The following AKAP13 variants were observed in gnomAD, a reference collection of about 807,000 sequenced individuals.
AKAP13 encodes A-kinase anchoring protein 13.
A neutral mutation model predicts 264.5 loss-of-function variants in AKAP13; 80 were observed. The ratio of observed to expected loss-of-function variants is 0.30; its 90% CI spans 0.25 to 0.36. The LOEUF is 0.36. Ranked by LOEUF, AKAP13 falls within the 10% of genes least tolerant of loss-of-function variation. The probability of loss-of-function intolerance (pLI) is 1.00; values close to 1 mark genes in which losing one functional copy is unlikely to be tolerated. For synonymous variants in AKAP13, 1,380 were observed against 1,250.2 expected, an observed-to-expected ratio of 1.10 and a Z score of -2.19; for missense variants, 3,712 against 3,435.2, an observed-to-expected ratio of 1.08 and a Z score of -2.01.
intron 9 of AKAP13, among the ~76,000 whole-genome samples, chr15:85,645,309 A>T (rs2082503165): frequency 1.3e-5 from 2 of 152,220 alleles, no homozygotes; most frequent in Admixed American, 1.3e-4. Context: ...AAATTTTTCC[A>T]CTTTGGCATA....
chr15:85,730,670 C>G lies in AKAP13; in HGVS notation c.7245C>G (p.Leu2415=), dbSNP rs1263538113. 2 of 1,613,958 alleles carry G rather than the reference C, an allele frequency of 1.2e-6. No homozygotes were observed. Among genetic ancestry groups the G allele is most frequent in the Non-Finnish European group, 1.7e-6 (2 of 1,179,944 alleles). ...TCCGCTCCAACACAGAAGAGGCTCT[C>G]AAAGGAGGACCTTTAATGAAAAGTG... ...VLFRSNTEEA[L]KGGPLMKSAI... is the part of the protein sequence containing the mutation. Residue 2415 remains leucine (L), a synonymous_variant, in exon 30 of 37, where the codon CTC becomes CTG. Transcript: ENST00000394518.
intron 2 of AKAP13, among the ~76,000 whole-genome samples, chr15:85,497,482 G>A (rs946528518): frequency 1.3e-5 from 2 of 152,184 alleles, no homozygotes; most frequent in Non-Finnish European, 2.9e-5. Context: ...AGAGCAGAGT[G>A]AGAGGAGGAA....
At chr15:85,588,191 A>G (rs1223008238) in intron 8 of AKAP13, among the ~76,000 whole-genome samples, 1 of 152,172 alleles carries the variant, frequency 6.6e-6, no homozygotes, top group African/African-American at 2.4e-5. Context: ...ACTATCCCAG[A>G]TTGTTTCAAG....
chr15:85,669,812 A>G lies in AKAP13; in HGVS notation c.5083A>G (p.Ser1695Gly). The change falls in exon 14 of 37, where the codon AGC (serine) becomes GGC (glycine). Residue 1695 changes from serine (S) to glycine (G), a missense_variant. Physicochemically the swap from Ser to Gly is moderately conservative, Grantham distance 56. Coordinates refer to ENST00000394518, the MANE Select transcript of AKAP13 (RefSeq NM_007200.5). ...AAAATCCATCTCATTAATGACAATCAGCCATCCTGGATTGGACAGTGAGTA... is the reference window on the plus strand; with the variant it reads ...AAAATCCATCTCATTAATGACAATCGGCCATCCTGGATTGGACAGTGAGTA... ...LTKSISLMTI[S>G]HPGLDNSRPF... The G allele has an allele frequency of 6.2e-7, 1 of 1,610,016 alleles. No homozygotes were observed. Among genetic ancestry groups the G allele is most frequent in the Non-Finnish European group, 8.5e-7 (1 of 1,176,346 alleles).
chr15:85,654,159 A>T (rs979582075), intron 10 of AKAP13, among the ~76,000 whole-genome samples: 1 of 152,236 alleles, frequency 6.6e-6, no homozygotes, highest in African/African-American at 2.4e-5. Flanking sequence ...TTAATGTATG[A>T]TTTGGCCTCA....
intron 34 of AKAP13, among the ~76,000 whole-genome samples, chr15:85,740,792 A>G (rs1426355705): frequency 9.6e-5 from 3 of 31,252 alleles, no homozygotes; most frequent in African/African-American, 4.0e-4. Flanking sequence ...CCCCCACCCC[A>G]GGTAATACCA....
chr15:85,655,580 G>A lies in AKAP13; in HGVS notation c.4538G>A (p.Ser1513Asn), dbSNP rs1320009651. ...RDRQSLDGFY[S>N]HGMGAEGRES... ...CGGCAAAGCCTTGATGGATTCTACA[G>A]CCATGGGATGGGAGCTGAGGGTCGA... The change falls in exon 11 of 37, where the codon AGC becomes AAC. Residue 1513 changes from serine to asparagine, a missense_variant. Ser to Asn is a conservative substitution (Grantham distance 46). Transcript: ENST00000394518. The A allele has an allele frequency of 6.2e-7, 1 of 1,614,234 alleles. No individual in the cohort carries two copies. The highest frequency in any genetic ancestry group is 1.3e-5 in the African/African-American group (1 of 75,064).
At chr15:85,608,376 G>T (rs986097224) in intron 8 of AKAP13, among the ~76,000 whole-genome samples, 5 of 152,164 alleles carry the variant, frequency 3.3e-5, no homozygotes, top group African/African-American at 1.2e-4. Context: ...GGTGGTAAAC[G>T]AAGACATTAT....
intron 1 of AKAP13, among the ~76,000 whole-genome samples, chr15:85,392,513 A>C (rs2070917650): frequency 6.6e-6 from 1 of 152,144 alleles, no homozygotes; most frequent in South Asian, 2.1e-4. Context: ...TTGGCCTCCC[A>C]AAGTGCTGGG....
At chr15:85,610,282 G>A (rs560101861) in intron 8 of AKAP13, among the ~76,000 whole-genome samples, 4 of 152,276 alleles carry the variant, frequency 2.6e-5, no homozygotes, top group African/African-American at 9.6e-5. Context: ...TGGAAAAGGA[G>A]TTTCTCACTT....
chr15:85,579,180 A>G lies in AKAP13; in HGVS notation c.1112A>G (p.Lys371Arg), dbSNP rs755140772. The G allele has an allele frequency of 3.1e-6, 5 of 1,614,122 alleles. No homozygotes were observed. The African/African-American group carries it at 4.0e-5, about 13-fold the overall frequency. ...GAGAATACAGACCGTTCCTGTAGGA[A>G]GAAAAATAAAGGCGTGGAAAGAAAA... is the stretch of plus-strand genomic sequence containing the variant. ...EEENTDRSCR[K>R]KNKGVERKGE... is the part of the protein sequence containing the mutation. The change falls in exon 7 of 37, where the codon AAG becomes AGG. Residue 371 changes from lysine to arginine, a missense_variant. Around this residue, in one of 3 missense-constraint regions of AKAP13, gnomAD observed 2,759 missense variants for 2,411.7 expected, o/e 1.14. Coordinates refer to ENST00000394518, the MANE Select transcript of AKAP13 (RefSeq NM_007200.5).
At chr15:85,389,339 A>G (rs2070741798) in intron 1 of AKAP13, among the ~76,000 whole-genome samples, 2 of 152,168 alleles carry the variant, frequency 1.3e-5, no homozygotes, top group African/African-American at 4.8e-5. Flanking sequence ...TCATTGCACC[A>G]TGGTCTAGAA....
Position 85,586,716 on chromosome 15 carries a change from G to A in AKAP13, c.4161+893G>A, listed in dbSNP as rs896595097. Among the ~76,000 whole-genome samples the A allele has an allele frequency of 2.6e-5, 4 of 151,976 alleles. No homozygotes were observed. In the East Asian group the frequency reaches 5.8e-4, roughly 22 times the overall value. On this transcript the variant is annotated intron_variant, in intron 8 of 36. Coordinates refer to ENST00000394518, the MANE Select transcript of AKAP13 (RefSeq NM_007200.5). ...TGAGGTGGGTGGATTACCTGAGGTC[G>A]GAAGTTCAAGATCAGCCCGACCAAC...
chr15:85,605,206 C>T (rs567458854), intron 8 of AKAP13, among the ~76,000 whole-genome samples: 1 of 152,244 alleles, frequency 6.6e-6, no homozygotes, highest in East Asian at 1.9e-4. Context: ...AACTTCGTCT[C>T]GAATAATTTA....
chr15:85,648,146 C>A (rs1241564831), intron 10 of AKAP13, among the ~76,000 whole-genome samples: 1 of 152,166 alleles, frequency 6.6e-6, no homozygotes, highest in Non-Finnish European at 1.5e-5. Flanking sequence ...TCGCTAAAAA[C>A]ATACTGAGAT....
Position 85,735,046 on chromosome 15 carries a change from C to T in AKAP13, c.7337C>T (p.Thr2446Ile), listed in dbSNP as rs897747895. The T allele has an allele frequency of 3.1e-6, 5 of 1,614,128 alleles. No individual in the cohort carries two copies. Among genetic ancestry groups the T allele is most frequent in the Non-Finnish European group, 4.2e-6 (5 of 1,180,046 alleles). ...SGNLGGTLGP[T>I]VSSPIEQDVV... ...AATCTGGGAGGCACACTTGGGCCGA[C>T]TGTCAGCAGCCCCATTGAGCAAGAT... Residue 2446 changes from threonine to isoleucine, a missense_variant, in exon 31 of 37, where the codon ACT (threonine) becomes ATT (isoleucine). By Grantham distance (89) the Thr-to-Ile change is moderately conservative. Coordinates refer to ENST00000394518, the MANE Select transcript of AKAP13 (RefSeq NM_007200.5).
intron 2 of AKAP13, among the ~76,000 whole-genome samples, chr15:85,516,953 G>A (rs887215592): frequency 6.6e-6 from 1 of 152,202 alleles, no homozygotes; most frequent in Non-Finnish European, 1.5e-5. Context: ...TAAGTTTTGA[G>A]TATTTATGAC....
At chr15:85,642,204 GTTACTGTA>G (rs1234483151) in intron 9 of AKAP13, among the ~76,000 whole-genome samples, 1 of 152,166 alleles carries the variant, frequency 6.6e-6, no homozygotes, top group Non-Finnish European at 1.5e-5. Context: ...CAGAGTTCTG[GTTACTGTA>G]TGTATAAATT....
At chr15:85,697,046 G>A (rs562778674) in intron 17 of AKAP13, among the ~76,000 whole-genome samples, 26 of 152,248 alleles carry the variant, frequency 1.7e-4, no homozygotes, top group African/African-American at 5.8e-4. Flanking sequence ...TTTCACAAGA[G>A]GTTACATGAA....
Sources: allele counts gnomAD v4.1 joint callset (sites outside exome capture counted in the v4.1 genomes callset), GRCh38; gene constraint gnomAD v4.1.1; regional missense constraint gnomAD v4.1.1; transcripts MANE v1.5; gene names NCBI Gene and HGNC (gene_info 2026-07-23, HGNC 2026-07-21).